The following RBFOX1 variants were observed in gnomAD, a reference collection of about 807,000 sequenced individuals.
The protein encoded by RBFOX1 is RNA binding protein fox-1 homolog 1.
Under a neutral mutation model 57.7 loss-of-function variants are expected in RBFOX1, and 8 were observed. The observed-to-expected ratio is 0.14, with a 90% confidence interval of 0.08 to 0.25. RBFOX1 has a LOEUF of 0.25. Ranked by LOEUF, RBFOX1 falls within the 10% of genes least tolerant of loss-of-function variation. The pLI is 1.00. For synonymous variants in RBFOX1, 326 were observed against 222.4 expected (o/e 1.47, Z -4.15); for missense variants, 611 against 548.5 (o/e 1.11, Z -1.14).
At chr16:7,107,919 G>GA (rs1429929411) in intron 4 of RBFOX1, among the ~76,000 whole-genome samples, 1 of 151,580 alleles carries the variant, frequency 6.6e-6, no homozygotes, top group Non-Finnish European at 1.5e-5. Flanking sequence ...TTTCTGACTT[G>GA]AAAAAGGCAG....
At chr16:6,859,802 G>A (rs1299510379) in intron 3 of RBFOX1, among the ~76,000 whole-genome samples, 2 of 143,848 alleles carry the variant, frequency 1.4e-5, no homozygotes, top group Non-Finnish European at 3.1e-5. Flanking sequence ...ATTGATACAA[G>A]TATATTTTTT....
At chr16:6,015,502 C>T (rs192968009), upstream of RBFOX1, among the ~76,000 whole-genome samples, 26 of 152,326 alleles carry the variant, frequency 1.7e-4, no homozygotes, top group East Asian at 4.6e-3. Context: ...CAAATCATTT[C>T]AGAGCCTGCC....
chr16:5,270,078 T>G (rs1488894334), intron 1 of RBFOX1: 2 of 212,038 alleles, frequency 9.4e-6, no homozygotes, highest in Non-Finnish European at 1.9e-5. Flanking sequence ...GCAGATCACT[T>G]GATATCAGGA....
chr16:5,780,823 A>G (rs1051116283), intron 3 of RBFOX1, among the ~76,000 whole-genome samples: 1 of 152,196 alleles, frequency 6.6e-6, no homozygotes, highest in Non-Finnish European at 1.5e-5. Context: ...TGAGCAAGAC[A>G]CTTCTTTGCT....
At chr16:6,518,422 G>T (rs1029173787) in intron 2 of RBFOX1, among the ~76,000 whole-genome samples, 1 of 152,138 alleles carries the variant, frequency 6.6e-6, no homozygotes, top group Non-Finnish European at 1.5e-5. Context: ...CCAATCAGGG[G>T]CCAGGTGATG....
At chr16:6,239,779 G>A (rs531111441) in intron 1 of RBFOX1, among the ~76,000 whole-genome samples, 3 of 152,232 alleles carry the variant, frequency 2.0e-5, no homozygotes, top group African/African-American at 7.2e-5. Flanking sequence ...TTACAGGGGT[G>A]AGCCACCATG....
At chr16:6,554,208 T>C (rs1341881595) in intron 2 of RBFOX1, among the ~76,000 whole-genome samples, 1 of 152,190 alleles carries the variant, frequency 6.6e-6, no homozygotes, top group East Asian at 1.9e-4. Flanking sequence ...AACATCCCTT[T>C]ATTTCCCTAC....
At chr16:5,832,552 A>C (rs934442349) in intron 3 of RBFOX1, among the ~76,000 whole-genome samples, 5 of 152,168 alleles carry the variant, frequency 3.3e-5, no homozygotes, top group African/African-American at 1.2e-4. Flanking sequence ...GGCATGTAGA[A>C]TATAACACAT....
chr16:5,833,799 C>G (rs1405619632), intron 3 of RBFOX1, among the ~76,000 whole-genome samples: 1 of 152,140 alleles, frequency 6.6e-6, no homozygotes. Flanking sequence ...CTTTCTTTAG[C>G]CCAGGCCCTG....
intron 2 of RBFOX1, among the ~76,000 whole-genome samples, chr16:5,470,579 C>T (rs961345164): frequency 5.9e-5 from 9 of 152,140 alleles, no homozygotes; most frequent in South Asian, 4.1e-4. Flanking sequence ...ATTCAGTGGG[C>T]GTCACCCGTG....
At chr16:6,612,735 C>G (rs901663615) in intron 2 of RBFOX1, among the ~76,000 whole-genome samples, 1 of 151,338 alleles carries the variant, frequency 6.6e-6, no homozygotes, top group African/African-American at 2.4e-5. Flanking sequence ...GTCTGCAATC[C>G]CAGCTACTCA....
At chr16:7,224,955 G>A (rs2092998651) in intron 4 of RBFOX1, among the ~76,000 whole-genome samples, 1 of 152,134 alleles carries the variant, frequency 6.6e-6, no homozygotes, top group African/African-American at 2.4e-5. Flanking sequence ...TGATAAGAGT[G>A]GCAGAATTCA....
chr16:7,513,828 A>G (rs1017104922), intron 4 of RBFOX1, among the ~76,000 whole-genome samples: 2 of 152,176 alleles, frequency 1.3e-5, no homozygotes, highest in African/African-American at 4.8e-5. Context: ...ATGCAGATTT[A>G]AAGCCTGTGT....
At chr16:5,645,371 C>G (rs1297407474) in intron 3 of RBFOX1, among the ~76,000 whole-genome samples, 1 of 151,854 alleles carries the variant, frequency 6.6e-6, no homozygotes, top group Admixed American at 6.6e-5. Context: ...GGTATATACA[C>G]ACAATGTAGA....
chr16:7,241,866 A>G (rs922677663), intron 4 of RBFOX1, among the ~76,000 whole-genome samples: 1 of 152,020 alleles, frequency 6.6e-6, no homozygotes, highest in Non-Finnish European at 1.5e-5. Context: ...ATAAGTATAT[A>G]TGCATATAAA....
chr16:6,314,248 A>G (rs560469416), intron 1 of RBFOX1, among the ~76,000 whole-genome samples: 51 of 152,320 alleles, frequency 3.3e-4, no homozygotes, highest in Middle Eastern at 3.4e-3. Context: ...TGTAGTGAGC[A>G]GTACATAAGG....
At chr16:6,544,650 C>G (rs750017990) in intron 2 of RBFOX1, among the ~76,000 whole-genome samples, 12 of 152,176 alleles carry the variant, frequency 7.9e-5, no homozygotes, top group Non-Finnish European at 1.3e-4. Context: ...AGGATCATAA[C>G]TTCAGTTTCG....
chr16:6,772,109 C>T (rs2078394192), intron 3 of RBFOX1, among the ~76,000 whole-genome samples: 1 of 152,168 alleles, frequency 6.6e-6, no homozygotes, highest in Non-Finnish European at 1.5e-5. Flanking sequence ...AACAGTCTTC[C>T]TTTCAATGCT....
chr16:7,248,015 C>G (rs1042124731), intron 4 of RBFOX1, among the ~76,000 whole-genome samples: 1 of 152,122 alleles, frequency 6.6e-6, no homozygotes, highest in Non-Finnish European at 1.5e-5. Flanking sequence ...AATAACAAAC[C>G]TGCACATGTA....
Sources: gnomAD v4.1 joint callset for allele counts (sites outside exome capture counted in the v4.1 genomes callset) on GRCh38, gnomAD v4.1.1 for gene constraint, MANE v1.5 for transcripts, NCBI Gene and HGNC (gene_info 2026-07-23, HGNC 2026-07-21) for gene names.